Variants in SARDH observed in about 807,000 individuals in gnomAD.
SARDH encodes sarcosine dehydrogenase, mitochondrial.
In SARDH, 95 loss-of-function variants were observed where a neutral mutation model predicts 109.1. That is an observed-to-expected ratio of 0.87 (90% CI 0.74 to 1.03). The LOEUF is 1.03. Ranked by LOEUF, SARDH falls within the 50% of genes least tolerant of loss-of-function variation. SARDH has a pLI of 0.00. For missense variants in SARDH, 1,267 were observed against 1,287.8 expected (o/e 0.98, Z 0.25); for synonymous variants, 572 against 534.8 (o/e 1.07, Z -0.96).
Position 133,704,897 on chromosome 9 carries a change from G to T in SARDH, c.1554+51C>A, listed in dbSNP as rs565255756. 4.0e-6 allele frequency: 6 copies of T among 1,492,222 alleles called. No homozygotes were observed. Among genetic ancestry groups the T allele is most frequent in the South Asian group, 1.2e-5 (1 of 83,140 alleles). 92.4% of individuals were successfully genotyped at this position (1,492,222 alleles called of 1,614,324 possible). A position where few individuals can be genotyped will look rare whatever the true frequency, so the allele number is the denominator to read the frequency against. ...GACGGGGCACGTGGAGGGGCAAGGG[G>T]GTTGTCAGGGCAGGGCCTCCCAGCA... On this transcript the variant is annotated intron_variant, in intron 12 of 20. Transcript: ENST00000439388. This position sits in a 1 kb window ranked among gnomAD's most constrained non-coding sequence, Gnocchi z 4.5.
chr9:133,713,646 A>ACCAATG (rs1832013020), intron 8 of SARDH, among the ~76,000 whole-genome samples: 1 of 152,148 alleles, frequency 6.6e-6, no homozygotes, highest in Non-Finnish European at 1.5e-5. Context: ...GGGGGAGGAG[A>ACCAATG]CCAATGTCCC....
intron 15 of SARDH, among the ~76,000 whole-genome samples, chr9:133,691,884 C>G (rs1449412394): frequency 1.3e-5 from 2 of 152,166 alleles, no homozygotes; most frequent in Non-Finnish European, 2.9e-5. Context: ...GGGGATGTGA[C>G]TCACTGTGCT....
intron 17 of SARDH, among the ~76,000 whole-genome samples, chr9:133,672,446 T>C (rs1830383280): frequency 6.6e-6 from 1 of 152,200 alleles, no homozygotes; most frequent in Non-Finnish European, 1.5e-5. Context: ...CACCCTTCCT[T>C]GTCTGTAAGA....
intron 17 of SARDH, among the ~76,000 whole-genome samples, chr9:133,680,392 G>A (rs558168481): frequency 1.1e-4 from 16 of 152,340 alleles, no homozygotes; most frequent in African/African-American, 3.8e-4. Flanking sequence ...GGGGGAGCTG[G>A]CCGTGGCCAG....
chr9:133,721,645 C>T (rs879272935), intron 6 of SARDH, among the ~76,000 whole-genome samples: 7 of 152,052 alleles, frequency 4.6e-5, no homozygotes, highest in South Asian at 2.1e-4. Flanking sequence ...GACTTGGGGG[C>T]GTTAGGTGGT....
rs1830080323 is a variant in SARDH, at chr9:133,666,737, G to A, written c.2629C>T (p.Pro877Ser). ...CAGGGCCAGAGAAGGGGACTCACCG[G>A]CCCACCGCTGGGGTCATGGATGTAA... ...YGYIHDPSGG[P>S]VSLDFVKSGD... is the part of the protein sequence containing the mutation. Residue 877 changes from proline (P) to serine (S), a missense_variant and splice_region_variant, in exon 20 of 21, where the codon CCG becomes TCG. Coordinates refer to ENST00000439388, the MANE Select transcript of SARDH (RefSeq NM_001134707.2). This position sits in a 1 kb window ranked among gnomAD's most constrained non-coding sequence, Gnocchi z 5.2. 1.3e-6 allele frequency: 2 copies of A among 1,588,836 alleles called. No homozygotes were observed. The highest frequency in any genetic ancestry group is 1.3e-5 in the African/African-American group (1 of 74,560).
Position 133,699,562 on chromosome 9 carries a change from G to A in SARDH, c.1669-3201C>T, listed in dbSNP as rs572817267. On this transcript the variant is annotated intron_variant, in intron 13 of 20. Transcript: ENST00000439388. ...TAACCCAATTTTAAAAGGGACAAAG[G>A]ATCTGAACAGACATCTCTCCACAGA... Among the ~76,000 whole-genome samples the A allele has an allele frequency of 2.6e-5, 4 of 152,180 alleles. No individual in the cohort carries two copies. The East Asian group carries it at 7.7e-4, about 29-fold the overall frequency.
intron 17 of SARDH, among the ~76,000 whole-genome samples, chr9:133,673,959 C>G (rs1830435691): frequency 6.6e-6 from 1 of 152,150 alleles, no homozygotes; most frequent in Non-Finnish European, 1.5e-5. Flanking sequence ...TCAGCTGGGT[C>G]TGGGTCTCCA....
chr9:133,727,463 G>T (rs528038671), intron 6 of SARDH, among the ~76,000 whole-genome samples: 1 of 152,374 alleles, frequency 6.6e-6, no homozygotes, highest in East Asian at 1.9e-4. Flanking sequence ...ATGCGCCCAG[G>T]AGAGGGCCCC....
At chr9:133,733,123 C>T (rs1357462611) in intron 2 of SARDH, among the ~76,000 whole-genome samples, 1 of 152,198 alleles carries the variant, frequency 6.6e-6, no homozygotes, top group Non-Finnish European at 1.5e-5. Flanking sequence ...GACAGCCCAG[C>T]TAGGGGGCCA....
chr9:133,702,016 C>T (rs560201896), intron 13 of SARDH, among the ~76,000 whole-genome samples: 20 of 152,292 alleles, frequency 1.3e-4, no homozygotes, highest in African/African-American at 2.4e-4. Context: ...GCCTAGAGGC[C>T]CCAGGAAGGA....
intron 6 of SARDH, among the ~76,000 whole-genome samples, chr9:133,726,094 C>T (rs75206852): frequency 6.6e-6 from 1 of 152,084 alleles, no homozygotes; most frequent in Non-Finnish European, 1.5e-5. Flanking sequence ...ATAATCACAG[C>T]CGGGCAAGGT....
chr9:133,722,642 GCT>G (rs56179331), intron 6 of SARDH, among the ~76,000 whole-genome samples: 34,119 of 145,436 alleles, frequency 0.23, 3,723 homozygotes, highest in East Asian at 0.36. Flanking sequence ...AACTACTAGC[GCT>G]CTCTCTCTCT....
chr9:133,666,337 CCTGG>C lies in SARDH; in HGVS notation c.2631+394_2631+397del, dbSNP rs1045927004. On this transcript the variant is annotated intron_variant, in intron 20 of 20. Coordinates refer to ENST00000439388, the MANE Select transcript of SARDH (RefSeq NM_001134707.2). The surrounding 1 kb of genome is among the most constrained non-coding windows in gnomAD (Gnocchi z 5.2). ...GGTGTGAGGAGCTGGAAGGTATCAG[CCTGG>C]CTGGCTGGCACCTCCTTCTAACCAA... Among the ~76,000 whole-genome samples the C allele has an allele frequency of 6.6e-6, 1 of 152,126 alleles. No individual in the cohort carries two copies. The highest frequency in any genetic ancestry group is 1.5e-5 in the Non-Finnish European group (1 of 67,978).
intron 8 of SARDH, among the ~76,000 whole-genome samples, chr9:133,713,353 G>A (rs564748940): frequency 4.6e-4 from 70 of 152,118 alleles, no homozygotes; most frequent in Non-Finnish European, 8.2e-4. Context: ...AGCTGACGGC[G>A]ACCTGGCTGG....
chr9:133,660,552 A>G (rs1428665837), downstream of SARDH, among the ~76,000 whole-genome samples: 1 of 152,164 alleles, frequency 6.6e-6, no homozygotes, highest in African/African-American at 2.4e-5. Flanking sequence ...CACCTTCCGA[A>G]TGATTGGGGT....
intron 8 of SARDH, among the ~76,000 whole-genome samples, chr9:133,716,812 G>A (rs1184114449): frequency 6.6e-6 from 1 of 152,212 alleles, no homozygotes; most frequent in East Asian, 1.9e-4. Flanking sequence ...GAACAGGAGG[G>A]AGGCCAGCAG....
At position 133,712,844 on chromosome 9, in the gene SARDH, C is replaced by T; in HGVS notation, c.1238-135G>A. ...CTCACACCTGGGGTGCTGCACGCCT[C>T]CTGATTGGACTGCTGCTGGACTGGA... On this transcript the variant is annotated intron_variant, in intron 9 of 20. Transcript: ENST00000439388. This position sits in a 1 kb window ranked among gnomAD's most constrained non-coding sequence, Gnocchi z 4.1. 2 of 945,380 alleles carry T rather than the reference C, an allele frequency of 2.1e-6. No individual in the cohort carries two copies. Among genetic ancestry groups the T allele is most frequent in the Non-Finnish European group, 3.2e-6 (2 of 623,410 alleles). 58.6% of individuals were successfully genotyped at this position (945,380 alleles called of 1,614,324 possible).
chr9:133,689,803 C>T (rs1831028012), intron 16 of SARDH, among the ~76,000 whole-genome samples: 1 of 152,162 alleles, frequency 6.6e-6, no homozygotes, highest in Admixed American at 6.5e-5. Flanking sequence ...TGCACACCTG[C>T]TCAGCCGTCC....
Sources: allele counts gnomAD v4.1 joint callset (sites outside exome capture counted in the v4.1 genomes callset), GRCh38; gene constraint gnomAD v4.1.1; non-coding constraint Gnocchi (gnomAD v3.1); transcripts MANE v1.5; gene names NCBI Gene and HGNC (gene_info 2026-07-23, HGNC 2026-07-21).